Variants in HNRNPM observed in about 807,000 individuals in gnomAD.
HNRNPM encodes the protein CEA receptor.
Under a neutral mutation model 73.1 loss-of-function variants are expected in HNRNPM, and 11 were observed. That is an observed-to-expected ratio of 0.15 (90% confidence interval 0.09 to 0.25). The LOEUF is 0.25. HNRNPM is among the 10% of genes least tolerant of loss of function. The pLI is 1.00. For synonymous variants in HNRNPM, 407 were observed against 355.2 expected (o/e 1.15, Z -1.64); for missense variants, 789 against 1,067.9 (o/e 0.74, Z 3.64).
intron 5 of HNRNPM, among the ~76,000 whole-genome samples, chr19:8,464,284 G>C (rs1020861335): frequency 6.6e-6 from 1 of 151,934 alleles, no homozygotes; most frequent in Non-Finnish European, 1.5e-5. Flanking sequence ...CCTCAAACCT[G>C]CTTTCACATC....
chr19:8,486,841 T>C (rs957092126), intron 14 of HNRNPM, among the ~76,000 whole-genome samples, 183 bp from the exon 15 acceptor site: 3 of 152,240 alleles, frequency 2.0e-5, no homozygotes, highest in African/African-American at 4.8e-5. Context: ...GGGAGCTGGC[T>C]GTGCCGCTTC....
chr19:8,460,558 A>G (rs1353604519), intron 2 of HNRNPM, among the ~76,000 whole-genome samples: 1 of 152,226 alleles, frequency 6.6e-6, no homozygotes, highest in Non-Finnish European at 1.5e-5. Flanking sequence ...TACGTGGAAA[A>G]AGTCCTAATT....
At chr19:8,466,169 T>C (rs1225320298) in intron 6 of HNRNPM, 66 bp from the exon 7 acceptor site, 16 of 1,442,298 alleles carry the variant, frequency 1.1e-5, no homozygotes, top group Non-Finnish European at 1.5e-5. Flanking sequence ...ATCATTCATG[T>C]AGTAAAAATG....
At chr19:8,458,441 G>A (rs755223051) in intron 2 of HNRNPM, among the ~76,000 whole-genome samples, 1 of 152,230 alleles carries the variant, frequency 6.6e-6, no homozygotes, top group Non-Finnish European at 1.5e-5. Flanking sequence ...TTTAAACTTA[G>A]TGTCGTGCTA....
intron 12 of HNRNPM, among the ~76,000 whole-genome samples, chr19:8,477,577 A>G (rs533660292): frequency 1.3e-5 from 2 of 150,056 alleles, no homozygotes; most frequent in African/African-American, 5.0e-5. Flanking sequence ...ACTTGAGCCC[A>G]GGAGGTCGAG....
At position 8,462,611 on chromosome 19, in the gene HNRNPM, A is replaced by T; in HGVS notation, c.336+30A>T. ...GTGTCTGAGAGAATTTCTTCTGTGG[A>T]TTTACTACATGAAAAATGTAACTGT... On this transcript the variant is annotated intron_variant, in intron 3 of 15. Transcript: ENST00000325495. This position sits in a 1 kb window ranked among gnomAD's most constrained non-coding sequence, Gnocchi z 4.5. 3.2e-6 allele frequency: 5 copies of T among 1,559,492 alleles called. No individual in the cohort carries two copies. The highest frequency in any genetic ancestry group is 4.4e-6 in the Non-Finnish European group (5 of 1,130,138).
intron 8 of HNRNPM, among the ~76,000 whole-genome samples, 186 bp from the exon 9 acceptor site, chr19:8,468,588 G>GTGTCT (rs1969917415): frequency 6.6e-6 from 1 of 152,142 alleles, no homozygotes; most frequent in South Asian, 2.1e-4. Flanking sequence ...TAATATCCAT[G>GTGTCT]TGTCTTTTCC....
At chr19:8,480,794 G>T (rs940789014) in intron 12 of HNRNPM, among the ~76,000 whole-genome samples, 1 of 152,172 alleles carries the variant, frequency 6.6e-6, no homozygotes, top group South Asian at 2.1e-4. Context: ...GAGTGGCACA[G>T]AGAGGTGGAT....
At chr19:8,483,806 C>T (rs1477683535) in intron 13 of HNRNPM, among the ~76,000 whole-genome samples, 1 of 152,186 alleles carries the variant, frequency 6.6e-6, no homozygotes, top group Non-Finnish European at 1.5e-5. Flanking sequence ...CGCTCTGTCT[C>T]CCAGGCTGGA....
intron 3 of HNRNPM, among the ~76,000 whole-genome samples, chr19:8,463,262 T>C (rs1969510814): frequency 6.6e-6 from 1 of 152,140 alleles, no homozygotes; most frequent in Non-Finnish European, 1.5e-5. Flanking sequence ...GCAGCTCTAG[T>C]GCAATGCTGG....
At position 8,452,812 on chromosome 19, in the gene HNRNPM, A is replaced by G. The variant is rs538614312; in HGVS notation, c.114-2593A>G. 3.3e-5 allele frequency among the ~76,000 whole-genome samples: 5 copies of G among 152,276 alleles called. No individual in the cohort carries two copies. The South Asian group carries it at 1.0e-3, about 32-fold the overall frequency. ...CACTCTTGTGTTTGGGGACTACACAAAGTTGCTGACTTTAAAATTTTTCCA... is the reference window on the plus strand; with the variant it reads ...CACTCTTGTGTTTGGGGACTACACAGAGTTGCTGACTTTAAAATTTTTCCA... On this transcript the variant is annotated intron_variant, in intron 1 of 15. Coordinates refer to ENST00000325495, the MANE Select transcript of HNRNPM (RefSeq NM_005968.5).
chr19:8,485,481 A>T, intron 13 of HNRNPM, 122 bp from the exon 14 acceptor site: 1 of 985,044 alleles, frequency 1.0e-6, no homozygotes, highest in Non-Finnish European at 1.5e-6. Flanking sequence ...GGGTGTCTTA[A>T]TGGTAAATTA....
At chr19:8,476,758 G>C (rs1412648572) in intron 12 of HNRNPM, among the ~76,000 whole-genome samples, 1 of 152,168 alleles carries the variant, frequency 6.6e-6, no homozygotes, top group Non-Finnish European at 1.5e-5. Context: ...CCTGTGGCAT[G>C]CTTGTCTGGA....
In HNRNPM at chr19:8,486,402, A is replaced by G. The variant is rs1237786531; in HGVS notation, c.1974A>G (p.Arg658=). The change falls in exon 14 of 16, where the codon AGA becomes AGG. Residue 658 remains arginine, a synonymous_variant. Transcript: ENST00000325495. ...VARKACQIFV[R]NLPFDFTWKM... ...GGAAGGCCTGCCAGATATTTGTGAG[A>G]AATGTAAGTGGCTCTTGGGGAACTT... 9 of 1,559,722 alleles carry G rather than the reference A, an allele frequency of 5.8e-6. No homozygotes were observed. The highest frequency in any genetic ancestry group is 2.3e-5 in the East Asian group (1 of 44,414).
At chr19:8,480,309 A>G (rs1221360289) in intron 12 of HNRNPM, among the ~76,000 whole-genome samples, 1 of 142,004 alleles carries the variant, frequency 7.0e-6, no homozygotes, top group Non-Finnish European at 1.5e-5. Flanking sequence ...AAACCACTGC[A>G]CTCCAGCCTG....
At chr19:8,446,001 C>T (rs1430336179) in intron 1 of HNRNPM, among the ~76,000 whole-genome samples, 1 of 152,148 alleles carries the variant, frequency 6.6e-6, no homozygotes, top group Non-Finnish European at 1.5e-5. Context: ...GAGGAAGCAT[C>T]GACTTGTGCC....
chr19:8,463,131 T>TA (rs1969503101), intron 3 of HNRNPM, among the ~76,000 whole-genome samples: 1 of 152,166 alleles, frequency 6.6e-6, no homozygotes, highest in South Asian at 2.1e-4. Flanking sequence ...GAGCTTAACT[T>TA]ACGGAAGGGA....
At chr19:8,460,280 T>A (rs1435307904) in intron 2 of HNRNPM, among the ~76,000 whole-genome samples, 1 of 152,218 alleles carries the variant, frequency 6.6e-6, no homozygotes, top group African/African-American at 2.4e-5. Flanking sequence ...TTTTAAAGGC[T>A]CCATTTTCCT....
intron 12 of HNRNPM, among the ~76,000 whole-genome samples, chr19:8,480,682 AG>A (rs1009955155): frequency 6.6e-6 from 1 of 151,210 alleles, no homozygotes; most frequent in Non-Finnish European, 1.5e-5. Context: ...AAAAAAAAAA[AG>A]GCATCTTTAC....
Sources: allele counts gnomAD v4.1 joint callset (sites outside exome capture counted in the v4.1 genomes callset), GRCh38; gene constraint gnomAD v4.1.1; non-coding constraint Gnocchi (gnomAD v3.1); transcripts MANE v1.5; gene names NCBI Gene and HGNC (gene_info 2026-07-23, HGNC 2026-07-21).